The following RIMS1 variants were observed in gnomAD, a reference collection of about 807,000 sequenced individuals.
RIMS1 encodes the protein regulating synaptic membrane exocytosis protein 1.
RIMS1 carries 83 observed loss-of-function variants against 214.1 expected under a neutral mutation model. The observed-to-expected ratio is 0.39, with a 90% CI of 0.32 to 0.47. The LOEUF is 0.47. Ranked by LOEUF, RIMS1 falls within the 20% of genes least tolerant of loss-of-function variation. RIMS1 has a pLI of 0.99. For synonymous variants in RIMS1, 793 were observed against 786.8 expected (o/e 1.01, Z -0.13); for missense variants, 2,050 against 2,161.8 (o/e 0.95, Z 1.03).
chr6:72,102,287 T>C (rs969656964), intron 4 of RIMS1, among the ~76,000 whole-genome samples: 14 of 151,986 alleles, frequency 9.2e-5, no homozygotes, highest in Admixed American at 5.3e-4. Flanking sequence ...TTGCTACGTT[T>C]CTTGTTTATC....
intron 6 of RIMS1, among the ~76,000 whole-genome samples, chr6:72,227,952 A>T (rs537464555): frequency 6.6e-6 from 1 of 152,088 alleles, no homozygotes; most frequent in South Asian, 2.1e-4. Context: ...GGGAACTTTT[A>T]AAAGGGAAAT....
At chr6:72,186,788 C>CCCG (rs33995489) in intron 6 of RIMS1, among the ~76,000 whole-genome samples, 1 of 151,384 alleles carries the variant, frequency 6.6e-6, no homozygotes, top group East Asian at 1.9e-4. Context: ...TACCCCCCCC[C>CCCG]ATATATATGT....
intron 4 of RIMS1, among the ~76,000 whole-genome samples, chr6:72,104,418 T>C (rs2034294638): frequency 6.6e-6 from 1 of 152,180 alleles, no homozygotes; most frequent in Non-Finnish European, 1.5e-5. Flanking sequence ...CACCCAACTT[T>C]CAATATATGC....
At chr6:72,133,638 G>T (rs984978506) in intron 4 of RIMS1, among the ~76,000 whole-genome samples, 1 of 152,126 alleles carries the variant, frequency 6.6e-6, no homozygotes. Flanking sequence ...ATTTGGAGTA[G>T]TTTCAAATCT....
At position 72,029,589 on chromosome 6, in the gene RIMS1, G is replaced by T. The variant is rs140573837; in HGVS notation, c.245+60526G>T. Among the ~76,000 whole-genome samples, 469 of 152,186 alleles carry T rather than the reference G, an allele frequency of 3.1e-3. 6 individuals carry two copies. Among genetic ancestry groups the T allele is most frequent in the African/African-American group, 0.011 (440 of 41,548 alleles). The stretch of plus-strand genomic sequence containing the variant: ...TGGACTTCCCAGCCTCTAGAACTGT[G>T]AGAAATAAATTTCTGTTATTTATAA... On this transcript the variant is annotated intron_variant, in intron 2 of 33. Coordinates refer to ENST00000521978, the MANE Select transcript of RIMS1 (RefSeq NM_014989.7).
At chr6:72,194,866 C>G (rs1308527045) in intron 6 of RIMS1, among the ~76,000 whole-genome samples, 1 of 152,062 alleles carries the variant, frequency 6.6e-6, no homozygotes, top group African/African-American at 2.4e-5. Flanking sequence ...CTGCTATTGC[C>G]AGGTGAGAAA....
intron 26 of RIMS1, among the ~76,000 whole-genome samples, chr6:72,294,680 CTATT>C (rs1413436532): frequency 1.3e-5 from 2 of 151,798 alleles, no homozygotes; most frequent in African/African-American, 4.8e-5. Context: ...ATACCACTCT[CTATT>C]TATACCATAA....
chr6:72,115,699 TC>T (rs796264716), intron 4 of RIMS1, among the ~76,000 whole-genome samples: 55 of 152,058 alleles, frequency 3.6e-4, no homozygotes, highest in African/African-American at 1.3e-3. Flanking sequence ...ATTTCCTACA[TC>T]TCACTCAACT....
chr6:71,971,248 G>A (rs779916435), intron 2 of RIMS1, among the ~76,000 whole-genome samples: 25 of 152,154 alleles, frequency 1.6e-4, no homozygotes, highest in Non-Finnish European at 3.1e-4. Context: ...TTTGCTTTGA[G>A]AGAAGTAGGG....
chr6:72,276,052 A>G (rs1269302436), intron 23 of RIMS1, among the ~76,000 whole-genome samples: 1 of 152,186 alleles, frequency 6.6e-6, no homozygotes, highest in East Asian at 1.9e-4. Flanking sequence ...ATCTCTGCAA[A>G]CAGTTTCAAA....
In RIMS1 at chr6:72,282,235, G is replaced by C. The variant is rs561801055; in HGVS notation, c.3483-1812G>C. On this transcript the variant is annotated intron_variant, in intron 23 of 33. Coordinates refer to ENST00000521978, the MANE Select transcript of RIMS1 (RefSeq NM_014989.7). ...TATTTTGAGCTCCAATACCTCCTGA[G>C]CCTGCAGATCTAATTACTAATCCTT... Among the ~76,000 whole-genome samples, 11 of 152,132 alleles carry C rather than the reference G, an allele frequency of 7.2e-5. No homozygotes were observed. The South Asian group carries it at 2.1e-3, about 29-fold the overall frequency.
chr6:71,982,827 A>G (rs572645925), intron 2 of RIMS1, among the ~76,000 whole-genome samples: 1 of 152,234 alleles, frequency 6.6e-6, no homozygotes, highest in South Asian at 2.1e-4. Flanking sequence ...CTTTGCTCAG[A>G]GCACCTGCCC....
At chr6:72,205,084 T>G (rs369919765) in intron 6 of RIMS1, among the ~76,000 whole-genome samples, 71 of 152,250 alleles carry the variant, frequency 4.7e-4, no homozygotes, top group Middle Eastern at 3.4e-3. Context: ...TACTTCTGTG[T>G]TCTCAGGATT....
chr6:72,080,153 A>G (rs1833003372), intron 2 of RIMS1, among the ~76,000 whole-genome samples: 1 of 148,198 alleles, frequency 6.7e-6, no homozygotes, highest in African/African-American at 2.5e-5. Flanking sequence ...AATCCCAGCT[A>G]CTTGGGAGGC....
intron 26 of RIMS1, among the ~76,000 whole-genome samples, chr6:72,303,870 A>G (rs2094887881): frequency 6.6e-6 from 1 of 151,706 alleles, no homozygotes; most frequent in South Asian, 2.1e-4. Context: ...CCCCATTTTT[A>G]TAAAATTGTA....
At chr6:72,263,200 T>C in intron 19 of RIMS1, 1 of 985,122 alleles carries the variant, frequency 1.0e-6, no homozygotes, top group Non-Finnish European at 1.2e-6. Context: ...ACACAGCATA[T>C]TAAAGTCATG....
chr6:72,207,662 A>G (rs1246552968), intron 6 of RIMS1, among the ~76,000 whole-genome samples: 4 of 152,158 alleles, frequency 2.6e-5, no homozygotes, highest in Non-Finnish European at 5.9e-5. Context: ...CTGTCAACAT[A>G]TCAAAGGGAA....
chr6:72,166,869 C>A (rs1206454021), intron 4 of RIMS1, among the ~76,000 whole-genome samples: 1 of 152,118 alleles, frequency 6.6e-6, no homozygotes, highest in Non-Finnish European at 1.5e-5. Flanking sequence ...CATATACTAT[C>A]ATAACTTCTG....
At chr6:72,016,100 A>G (rs1461647798) in intron 2 of RIMS1, among the ~76,000 whole-genome samples, 1 of 152,152 alleles carries the variant, frequency 6.6e-6, no homozygotes, top group African/African-American at 2.4e-5. Flanking sequence ...TGAATGTGAT[A>G]TATTAATTAA....
Sources: gnomAD v4.1 joint callset for allele counts (sites outside exome capture counted in the v4.1 genomes callset) on GRCh38, gnomAD v4.1.1 for gene constraint, MANE v1.5 for transcripts, NCBI Gene and HGNC (gene_info 2026-07-23, HGNC 2026-07-21) for gene names.